The following CNNM1 variants were observed in gnomAD, a reference collection of about 807,000 sequenced individuals.
The protein encoded by CNNM1 is metal transporter CNNM1.
In CNNM1, 44 loss-of-function variants were observed where a neutral mutation model predicts 78.8. That is an observed-to-expected ratio of 0.56 (90% confidence interval 0.44 to 0.72). CNNM1 has a LOEUF of 0.72. CNNM1 is among the 30% of genes least tolerant of loss of function. The pLI is 0.00. For missense variants in CNNM1, 1,101 were observed against 1,292.2 expected (o/e 0.85, Z 2.27); for synonymous variants, 584 against 581.5 (o/e 1.00, Z -0.06).
intron 9 of CNNM1, 88 bp downstream of exon 9, chr10:99,388,389 G>T: frequency 6.8e-7 from 1 of 1,470,642 alleles, no homozygotes; most frequent in Non-Finnish European, 9.1e-7. Context: ...GCTGAGGGGA[G>T]CCCTGGGACC....
chr10:99,361,086 G>C (rs150977159), intron 3 of CNNM1, 111 bp downstream of exon 3: 3 of 1,192,602 alleles, frequency 2.5e-6, no homozygotes, highest in Admixed American at 6.0e-5. Flanking sequence ...TGTCAGGACT[G>C]AGAAGCACTG....
intron 1 of CNNM1, among the ~76,000 whole-genome samples, chr10:99,348,010 T>A (rs1186786662): frequency 6.8e-6 from 1 of 146,428 alleles, no homozygotes; most frequent in African/African-American, 2.5e-5. Flanking sequence ...TATATTTTTT[T>A]ATATATATGA....
intron 7 of CNNM1, among the ~76,000 whole-genome samples, chr10:99,385,625 T>C (rs1359205319): frequency 6.6e-6 from 1 of 152,210 alleles, no homozygotes; most frequent in Non-Finnish European, 1.5e-5. Context: ...TTCCTAACAG[T>C]TTCATATAAT....
At chr10:99,382,274 G>C (rs2134077055) in intron 7 of CNNM1, among the ~76,000 whole-genome samples, 1 of 152,332 alleles carries the variant, frequency 6.6e-6, no homozygotes, top group Non-Finnish European at 1.5e-5. Context: ...TAGTTAATAA[G>C]TTATGAAGGT....
intron 7 of CNNM1, among the ~76,000 whole-genome samples, chr10:99,381,194 T>C (rs1005182471): frequency 6.6e-6 from 1 of 152,028 alleles, no homozygotes; most frequent in Non-Finnish European, 1.5e-5. Flanking sequence ...GCAGATCACC[T>C]GAGGTCAGGA....
At chr10:99,356,609 G>GAA (rs547563994) in intron 1 of CNNM1, among the ~76,000 whole-genome samples, 4 of 132,554 alleles carry the variant, frequency 3.0e-5, no homozygotes, top group Non-Finnish European at 4.8e-5. Flanking sequence ...AGAAAGAAAA[G>GAA]AAAGAAAGAA....
chr10:99,329,875 G>T lies in CNNM1; in HGVS notation c.488G>T (p.Arg163Leu). The T allele has an allele frequency of 7.2e-7, 1 of 1,396,366 alleles. No homozygotes were observed. The highest frequency in any genetic ancestry group is 9.2e-7 in the Non-Finnish European group (1 of 1,082,702). The allele number at this position is 1,396,366 out of a possible 1,614,324, so 86.5% of individuals were successfully genotyped here. The stretch of plus-strand genomic sequence containing the variant: ...GCAGGCTCGGCCCTGGTCCAGGTGC[G>T]AGTGCGGGAGCTGCGCAAGGGCGAA... ...GVAGSALVQV[R>L]VRELRKGEAE... The change falls in exon 1 of 11, where the codon CGA (arginine) becomes CTA (leucine). Residue 163 changes from arginine to leucine, a missense_variant. Arg to Leu is a moderately radical substitution (Grantham distance 102). This residue lies in a region of CNNM1 where 476 missense variants were observed against 484.5 expected (regional missense o/e 0.98). Transcript: ENST00000356713.
At chr10:99,362,544 C>T in intron 4 of CNNM1, 148 bp downstream of exon 4, 1 of 730,654 alleles carries the variant, frequency 1.4e-6, no homozygotes, top group Non-Finnish European at 2.2e-6. Flanking sequence ...TCTTCATGAC[C>T]CACAGGAGGG....
In CNNM1 at chr10:99,330,123, C is replaced by G. The variant is rs1850572696; in HGVS notation, c.736C>G (p.Leu246Val). The G allele has an allele frequency of 6.5e-7, 1 of 1,549,220 alleles. No homozygotes were observed. Among genetic ancestry groups the G allele is most frequent in the Non-Finnish European group, 8.7e-7 (1 of 1,154,508 alleles). ...SALFSGLRLS[L>V]LSLDPVELRV... is the part of the protein sequence containing the mutation. The stretch of plus-strand genomic sequence containing the variant: ...CCTGTTCAGCGGCCTGCGCCTGAGC[C>G]TGCTGTCGCTGGACCCGGTGGAGTT... Residue 246 changes from leucine (L) to valine (V), a missense_variant, in exon 1 of 11, where the codon CTG becomes GTG. Around this residue, in one of 3 missense-constraint regions of CNNM1, gnomAD observed 476 missense variants for 484.5 expected, o/e 0.98. Transcript: ENST00000356713.
At chr10:99,384,358 A>T (rs866039205) in intron 7 of CNNM1, among the ~76,000 whole-genome samples, 1 of 152,070 alleles carries the variant, frequency 6.6e-6, no homozygotes, top group Non-Finnish European at 1.5e-5. Flanking sequence ...AATTTTTTTT[A>T]AAAAGAGAGC....
At chr10:99,376,208 C>G (rs116004118) in intron 6 of CNNM1, among the ~76,000 whole-genome samples, 1 of 152,168 alleles carries the variant, frequency 6.6e-6, no homozygotes, top group African/African-American at 2.4e-5. Context: ...TGTGTCCTCC[C>G]TTCTAAACCA....
At chr10:99,333,342 G>GGTTTGTTT (rs142222343) in intron 1 of CNNM1, among the ~76,000 whole-genome samples, 1 of 151,974 alleles carries the variant, frequency 6.6e-6, no homozygotes, top group Non-Finnish European at 1.5e-5. Flanking sequence ...CATTTGTTTA[G>GGTTTGTTT]GTTTGTTTGT....
At chr10:99,390,743 C>T (rs562753269) in intron 10 of CNNM1, among the ~76,000 whole-genome samples, 2 of 152,244 alleles carry the variant, frequency 1.3e-5, no homozygotes, top group South Asian at 4.2e-4. Context: ...ATGTCAGAGT[C>T]GAGTAATTGT....
At chr10:99,386,525 T>C (rs1353985544) in intron 7 of CNNM1, among the ~76,000 whole-genome samples, 1 of 152,264 alleles carries the variant, frequency 6.6e-6, no homozygotes, top group Non-Finnish European at 1.5e-5. Context: ...AATCTCTGCA[T>C]GTATGTGTCC....
intron 7 of CNNM1, among the ~76,000 whole-genome samples, chr10:99,387,295 T>C (rs949255038): frequency 7.2e-5 from 11 of 152,170 alleles, no homozygotes; most frequent in African/African-American, 2.2e-4. Context: ...ACCTCCCTGC[T>C]GTGGTCCCAG....
chr10:99,355,324 TA>T (rs1475192599), intron 1 of CNNM1, among the ~76,000 whole-genome samples: 32 of 151,986 alleles, frequency 2.1e-4, no homozygotes, highest in African/African-American at 7.5e-4. Flanking sequence ...TACCTAATGT[TA>T]AATGACGAGT....
intron 1 of CNNM1, among the ~76,000 whole-genome samples, chr10:99,334,820 G>T (rs190066046): frequency 6.6e-6 from 1 of 152,274 alleles, no homozygotes; most frequent in Admixed American, 6.5e-5. Context: ...CATTAATTGA[G>T]CACCAACAGT....
At chr10:99,376,022 C>T (rs2031949571) in intron 6 of CNNM1, among the ~76,000 whole-genome samples, 1 of 152,216 alleles carries the variant, frequency 6.6e-6, no homozygotes, top group Admixed American at 6.5e-5. Context: ...TGAAAAGAAC[C>T]TGGCTAAGCA....
intron 1 of CNNM1, among the ~76,000 whole-genome samples, chr10:99,331,858 C>G (rs543425719): frequency 2.0e-5 from 3 of 152,190 alleles, no homozygotes; most frequent in Admixed American, 1.3e-4. Context: ...AGAGGAGATC[C>G]TAGAAAACTT....
Sources: gnomAD v4.1 joint callset for allele counts (sites outside exome capture counted in the v4.1 genomes callset) on GRCh38, gnomAD v4.1.1 for gene constraint, gnomAD v4.1.1 regional missense constraint, MANE v1.5 for transcripts, NCBI Gene and HGNC (gene_info 2026-07-23, HGNC 2026-07-21) for gene names.